Variants in LOXL1 observed in about 807,000 individuals in gnomAD.
LOXL1 encodes the protein lysyl oxidase homolog 1.
LOXL1 carries 31 observed loss-of-function variants against 62.2 expected under a neutral mutation model. The observed-to-expected ratio is 0.50, with a 90% CI of 0.37 to 0.67. The LOEUF (loss-of-function observed/expected upper bound fraction) is 0.67, where lower values mean the gene tolerates loss of function less well. Ranked by LOEUF, LOXL1 falls within the 30% of genes least tolerant of loss-of-function variation. The pLI is 0.00. For synonymous variants in LOXL1, 403 were observed against 384.4 expected, an observed-to-expected ratio of 1.05 and a Z score of -0.56; for missense variants, 775 against 843.4, an observed-to-expected ratio of 0.92 and a Z score of 1.00.
chr15:73,929,478 G>T (rs937120437), intron 1 of LOXL1, among the ~76,000 whole-genome samples: 2 of 152,216 alleles, frequency 1.3e-5, no homozygotes, highest in African/African-American at 4.8e-5. Context: ...ACTGCTGGAG[G>T]CCAAGACTAG....
In LOXL1 at chr15:73,947,795, T is replaced by G. The variant is rs1475943384; in HGVS notation, c.1507-12T>G. ...AGCAGCATCACAGCCGCTCCTCTTGTCCCTTTCCCAGGGCCTGAGCCCAGG... is the reference window on the plus strand; with the variant it reads ...AGCAGCATCACAGCCGCTCCTCTTGGCCCTTTCCCAGGGCCTGAGCCCAGG... On this transcript the variant is annotated splice_polypyrimidine_tract_variant and intron_variant, in intron 4 of 6. Transcript: ENST00000261921. 1.3e-6 allele frequency: 2 copies of G among 1,589,626 alleles called. No individual in the cohort carries two copies. The highest frequency in any genetic ancestry group is 1.7e-6 in the Non-Finnish European group (2 of 1,160,498).
At position 73,942,064 on chromosome 15, in the gene LOXL1, T is replaced by G. The variant is rs2068717655; in HGVS notation, c.1103-790T>G. On this transcript the variant is annotated intron_variant, in intron 1 of 6. Coordinates refer to ENST00000261921, the MANE Select transcript of LOXL1 (RefSeq NM_005576.4). ...AGAGCCAGGGCCTCCCTCAGGTTGGTGGCCGGAGGTTGCAGACAGAGGAGG... is the reference window on the plus strand; with the variant it reads ...AGAGCCAGGGCCTCCCTCAGGTTGGGGGCCGGAGGTTGCAGACAGAGGAGG... The G allele has an allele frequency of 2.4e-5, 4 of 166,746 alleles. No individual in the cohort carries two copies. The South Asian group carries it at 4.0e-4, about 17-fold the overall frequency. The allele number at this position is 166,746 out of a possible 1,614,324, so 10.3% of individuals were successfully genotyped here. A position where few individuals can be genotyped will look rare whatever the true frequency, so the allele number is the denominator to read the frequency against.
intron 1 of LOXL1, among the ~76,000 whole-genome samples, chr15:73,935,823 G>C (rs893815): frequency 0.043 from 6,588 of 152,198 alleles, 474 homozygotes; most frequent in African/African-American, 0.15. Context: ...CCATTGGTGG[G>C]GTGGACAGGT....
Position 73,927,903 on chromosome 15 carries a change from G to C in LOXL1, c.1102+18G>C, listed in dbSNP as rs1004099083. 7 of 1,298,728 alleles carry C rather than the reference G, an allele frequency of 5.4e-6. No individual in the cohort carries two copies. In the East Asian group the frequency reaches 1.3e-4, roughly 23 times the overall value. The allele number at this position is 1,298,728 out of a possible 1,614,324, so 80.5% of individuals were successfully genotyped here. On this transcript the variant is annotated intron_variant, in intron 1 of 6. Coordinates refer to ENST00000261921, the MANE Select transcript of LOXL1 (RefSeq NM_005576.4). ...CGGCCGCGGTGAGTACGGCCCCGGCGCCCCTCCGGCCGCGCGTACCCCTGG... is the reference window on the plus strand; with the variant it reads ...CGGCCGCGGTGAGTACGGCCCCGGCCCCCCTCCGGCCGCGCGTACCCCTGG...
chr15:73,935,162 TCCCTGACTGCTAAACAGGGC>T (rs914438938), intron 1 of LOXL1, among the ~76,000 whole-genome samples: 29 of 152,152 alleles, frequency 1.9e-4, no homozygotes, highest in African/African-American at 5.6e-4. Context: ...GAAGCATGGG[TCCCTGACTGCTAAACAGGGC>T]CCCTGACTGC....
chr15:73,945,716 T>A lies in LOXL1; in HGVS notation c.1212-701T>A, dbSNP rs1191503404. ...TCAGAATCTCCTGGATAGGACTTTT[T>A]TTTTTCTTTTTTTTAGAAAGGGGGT... On this transcript the variant is annotated intron_variant, in intron 2 of 6. Transcript: ENST00000261921. The surrounding 1 kb of genome is among the most constrained non-coding windows in gnomAD (Gnocchi z 4.3). 6.6e-6 allele frequency among the ~76,000 whole-genome samples: 1 copy of A among 151,974 alleles called. No homozygotes were observed. Among genetic ancestry groups the A allele is most frequent in the Non-Finnish European group, 1.5e-5 (1 of 68,006 alleles).
intron 1 of LOXL1, among the ~76,000 whole-genome samples, chr15:73,937,182 C>T (rs1245445731): frequency 1.3e-5 from 2 of 152,184 alleles, no homozygotes; most frequent in African/African-American, 4.8e-5. Context: ...CCAGACCCAG[C>T]ATTGAGCAGG....
chr15:73,943,621 C>T (rs1295331315), intron 2 of LOXL1, among the ~76,000 whole-genome samples: 1 of 148,564 alleles, frequency 6.7e-6, no homozygotes, highest in East Asian at 2.1e-4. Context: ...TCCTGCCTCT[C>T]GCAGTGTTTG....
chr15:73,928,117 A>G, intron 1 of LOXL1: 1 of 400,770 alleles, frequency 2.5e-6, no homozygotes. Context: ...TTGGCCAGGC[A>G]GGTGTGGGCT....
chr15:73,933,964 G>A (rs947349016), intron 1 of LOXL1, among the ~76,000 whole-genome samples: 1 of 152,208 alleles, frequency 6.6e-6, no homozygotes, highest in Non-Finnish European at 1.5e-5. Context: ...GTTGGGTCTG[G>A]GTCCCTCTCC....
At chr15:73,947,408 C>T in intron 4 of LOXL1, 185 bp downstream of exon 4, 1 of 568,110 alleles carries the variant, frequency 1.8e-6, no homozygotes, top group South Asian at 2.7e-5. Context: ...CTCCCTGCCC[C>T]AGCCCCTTTC....
chr15:73,928,601 C>CAAAAAAAAAAAA (rs55696344), intron 1 of LOXL1, among the ~76,000 whole-genome samples: 1 of 105,014 alleles, frequency 9.5e-6, no homozygotes, highest in South Asian at 2.9e-4. Flanking sequence ...AAAATTAATG[C>CAAAAAAAAAAAA]AAAAAAAAAA....
chr15:73,946,863 A>G (rs746129905), intron 3 of LOXL1, among the ~76,000 whole-genome samples: 12 of 152,252 alleles, frequency 7.9e-5, no homozygotes, highest in Non-Finnish European at 1.5e-4. Flanking sequence ...TGAGGGGTCT[A>G]GAGCATGTGC....
Position 73,947,179 on chromosome 15 carries a change from G to A in LOXL1, c.1462G>A (p.Asp488Asn). ...TTTCTGCCTGGAGGACAGCACCTGT[G>A]ACTTCGGCAACCTCAAGCGCTATGC... The part of the protein sequence containing the change: ...ASFCLEDSTC[D>N]FGNLKRYACT... The change falls in exon 4 of 7, where the codon GAC becomes AAC. Residue 488 changes from aspartate (D) to asparagine (N), a missense_variant. By Grantham distance (23) the Asp-to-Asn change is conservative. Coordinates refer to ENST00000261921, the MANE Select transcript of LOXL1 (RefSeq NM_005576.4). 4 of 1,613,402 alleles carry A rather than the reference G, an allele frequency of 2.5e-6. No homozygotes were observed. Among genetic ancestry groups the A allele is most frequent in the Non-Finnish European group, 3.4e-6 (4 of 1,179,406 alleles).
At chr15:73,944,262 G>A (rs1404971272) in intron 2 of LOXL1, among the ~76,000 whole-genome samples, 1 of 152,222 alleles carries the variant, frequency 6.6e-6, no homozygotes, top group Non-Finnish European at 1.5e-5. Flanking sequence ...CCAGTCTTAA[G>A]AGAATTAGTC....
chr15:73,935,532 A>T (rs1339432925), intron 1 of LOXL1, among the ~76,000 whole-genome samples: 1 of 152,098 alleles, frequency 6.6e-6, no homozygotes, highest in African/African-American at 2.4e-5. Context: ...TAACTGAAGC[A>T]TCAAGGGAAG....
intron 1 of LOXL1, among the ~76,000 whole-genome samples, chr15:73,934,670 A>T (rs2068658580): frequency 6.6e-6 from 1 of 152,260 alleles, no homozygotes; most frequent in African/African-American, 2.4e-5. Context: ...GCACCGTTCT[A>T]GAGCTGGGTA....
At position 73,926,939 on chromosome 15, in the gene LOXL1, C is replaced by T. The variant is rs939218890; in HGVS notation, c.156C>T (p.Tyr52=). The change falls in exon 1 of 7, where the codon TAC becomes TAT. Residue 52 remains tyrosine, a synonymous_variant. Transcript: ENST00000261921. The part of the protein sequence containing the change: ...LIQWENNGQV[Y]SLLNSGSEYV... ...AGTGGGAGAACAACGGGCAGGTGTA[C>T]AGCTTGCTCAACTCGGGCTCAGAGT... The T allele has an allele frequency of 6.4e-7, 1 of 1,562,154 alleles. No homozygotes were observed. Among genetic ancestry groups the T allele is most frequent in the Non-Finnish European group, 8.7e-7 (1 of 1,155,156 alleles).
rs898087369 is a variant in LOXL1, at chr15:73,930,934, C to A, written c.1102+3049C>A. On this transcript the variant is annotated intron_variant, in intron 1 of 6. Transcript: ENST00000261921. This position sits in a 1 kb window ranked among gnomAD's most constrained non-coding sequence, Gnocchi z 4.7. ...GAGAGGCCTGGAGGGTGGCCAGCCA[C>A]TTCCCAGGCCCAGCTGGGTCTCCTG... 3.3e-5 allele frequency among the ~76,000 whole-genome samples: 5 copies of A among 152,316 alleles called. No homozygotes were observed. In the East Asian group the frequency reaches 9.6e-4, roughly 29 times the overall value.
Sources: allele counts gnomAD v4.1 joint callset (sites outside exome capture counted in the v4.1 genomes callset), GRCh38; gene constraint gnomAD v4.1.1; non-coding constraint Gnocchi (gnomAD v3.1); transcripts MANE v1.5; gene names NCBI Gene and HGNC (gene_info 2026-07-23, HGNC 2026-07-21).